The following NSMCE2 variants were observed in gnomAD, a reference collection of about 807,000 sequenced individuals.
NSMCE2 encodes the protein NSE2 SUMO ligase component of SMC5/6 complex.
A neutral mutation model predicts 23.8 loss-of-function variants in NSMCE2; 24 were observed. That is an observed-to-expected ratio of 1.01 (90% CI 0.73 to 1.42). The LOEUF (loss-of-function observed/expected upper bound fraction) is 1.42. Ranked by LOEUF, NSMCE2 falls within the 40% of genes most tolerant of loss-of-function variation. NSMCE2 has a pLI of 0.00. For missense variants in NSMCE2, 284 were observed against 296.5 expected (o/e 0.96, Z 0.31); for synonymous variants, 92 against 94.1 (o/e 0.98, Z 0.13).
chr8:125,283,868 A>G (rs765822481), intron 5 of NSMCE2, among the ~76,000 whole-genome samples: 1 of 152,052 alleles, frequency 6.6e-6, no homozygotes, highest in Non-Finnish European at 1.5e-5. Flanking sequence ...GAATGACTCA[A>G]GTAGGCCGGG....
In NSMCE2 at chr8:125,356,328, T is replaced by G. The variant is rs536173049; in HGVS notation, c.419-891T>G. On this transcript the variant is annotated intron_variant, in intron 5 of 7. Coordinates refer to ENST00000287437, the MANE Select transcript of NSMCE2 (RefSeq NM_173685.4). ...TTACTGTTACTTTTAATTTTTTGGTTTTTTTTTTTTTTTTTTTTTGAGACA... is the reference window on the plus strand; with the variant it reads ...TTACTGTTACTTTTAATTTTTTGGTGTTTTTTTTTTTTTTTTTTTGAGACA... Among the ~76,000 whole-genome samples, 385 of 111,084 alleles carry G rather than the reference T, an allele frequency of 3.5e-3. 3 individuals carry two copies. Among genetic ancestry groups the G allele is most frequent in the Non-Finnish European group, 5.1e-3 (277 of 54,220 alleles). 72.9% of individuals were successfully genotyped at this position (111,084 alleles called of 152,430 possible).
At chr8:125,366,736 G>A (rs774755138) in intron 7 of NSMCE2, 32 bp from the exon 8 acceptor site, 1 of 1,255,510 alleles carries the variant, frequency 8.0e-7, no homozygotes, top group South Asian at 1.2e-5. Flanking sequence ...GGCAGTAAAG[G>A]GGACTGACTT....
chr8:125,247,282 G>C (rs554358190), intron 5 of NSMCE2, among the ~76,000 whole-genome samples: 1 of 151,956 alleles, frequency 6.6e-6, no homozygotes, highest in African/African-American at 2.4e-5. Flanking sequence ...GCAGTGAGCC[G>C]TGTTCATGCC....
chr8:125,311,411 C>T (rs1387464994), intron 5 of NSMCE2, among the ~76,000 whole-genome samples: 1 of 152,152 alleles, frequency 6.6e-6, no homozygotes, highest in Non-Finnish European at 1.5e-5. Flanking sequence ...CTTATTTTTA[C>T]CTTGGACTTT....
At chr8:125,166,981 G>A (rs1266339840) in intron 4 of NSMCE2, among the ~76,000 whole-genome samples, 2 of 152,324 alleles carry the variant, frequency 1.3e-5, no homozygotes, top group Non-Finnish European at 2.9e-5. Flanking sequence ...CTGCACTCCA[G>A]CCTGGGTGAC....
At chr8:125,346,270 T>C (rs1306651697) in intron 5 of NSMCE2, among the ~76,000 whole-genome samples, 3 of 151,978 alleles carry the variant, frequency 2.0e-5, no homozygotes, top group Admixed American at 6.6e-5. Flanking sequence ...GTAATCCAAA[T>C]TGGAAATGTT....
At chr8:125,151,377 C>G (rs1013910866) in intron 4 of NSMCE2, 100 bp downstream of exon 4, 33 of 609,320 alleles carry the variant, frequency 5.4e-5, no homozygotes, top group Non-Finnish European at 9.2e-5. Context: ...TTAATGTTTC[C>G]TTATCCTTAA....
At chr8:125,266,056 A>T (rs1019782529) in intron 5 of NSMCE2, among the ~76,000 whole-genome samples, 2 of 150,006 alleles carry the variant, frequency 1.3e-5, no homozygotes, top group African/African-American at 2.5e-5. Context: ...AATATAGCTA[A>T]CCCTGTGTGA....
At chr8:125,206,962 C>G (rs1386902302) in intron 5 of NSMCE2, among the ~76,000 whole-genome samples, 1 of 151,952 alleles carries the variant, frequency 6.6e-6, no homozygotes, top group Admixed American at 6.5e-5. Context: ...GCTTATGGGC[C>G]AAAAAGCATT....
rs544719143 is a variant in NSMCE2 at position 125,335,744 on chromosome 8, G to A, written c.419-21475G>A. The stretch of plus-strand genomic sequence containing the variant: ...TGACGTGACCCAGTGAGATAGAGGA[G>A]ATGAAGAATTTCCAAAGAAAGATAA... On this transcript the variant is annotated intron_variant, in intron 5 of 7. Transcript: ENST00000287437. Among the ~76,000 whole-genome samples, 14 of 152,286 alleles carry A rather than the reference G, an allele frequency of 9.2e-5. No homozygotes were observed. The South Asian group carries it at 2.1e-3, about 23-fold the overall frequency.
chr8:125,148,408 A>G (rs1820805554), intron 3 of NSMCE2, among the ~76,000 whole-genome samples: 1 of 152,202 alleles, frequency 6.6e-6, no homozygotes, highest in African/African-American at 2.4e-5. Flanking sequence ...CTTTTGTAGC[A>G]TTTTGAATAT....
intron 3 of NSMCE2, among the ~76,000 whole-genome samples, chr8:125,145,226 A>C (rs948242111): frequency 2.6e-5 from 4 of 152,216 alleles, no homozygotes; most frequent in Non-Finnish European, 2.9e-5. Flanking sequence ...ACTTCAGTCC[A>C]CAATGGTTTG....
chr8:125,325,082 A>T (rs1447805922), intron 5 of NSMCE2, among the ~76,000 whole-genome samples: 1 of 152,146 alleles, frequency 6.6e-6, no homozygotes, highest in Non-Finnish European at 1.5e-5. Flanking sequence ...TATATACTTT[A>T]TATGCATAGT....
At chr8:125,140,914 T>C (rs1286577882) in intron 3 of NSMCE2, among the ~76,000 whole-genome samples, 2 of 152,096 alleles carry the variant, frequency 1.3e-5, no homozygotes, top group African/African-American at 4.8e-5. Flanking sequence ...AGAGATTAGA[T>C]AGAATTGGAC....
At chr8:125,234,171 C>T (rs184498506) in intron 5 of NSMCE2, among the ~76,000 whole-genome samples, 1,964 of 152,004 alleles carry the variant, frequency 0.013, 36 homozygotes, top group African/African-American at 0.045. Context: ...CCAGCCTGGG[C>T]GACAGAGCGA....
At chr8:125,224,528 C>T (rs945740115) in intron 5 of NSMCE2, among the ~76,000 whole-genome samples, 41 of 152,308 alleles carry the variant, frequency 2.7e-4, no homozygotes, top group African/African-American at 9.9e-4. Flanking sequence ...TGTGTATCTA[C>T]AGTTTTCCCA....
chr8:125,185,385 C>G (rs1823044746), intron 5 of NSMCE2, among the ~76,000 whole-genome samples: 1 of 152,100 alleles, frequency 6.6e-6, no homozygotes, highest in South Asian at 2.1e-4. Flanking sequence ...TGGCTCACTT[C>G]AACCTCTGCC....
chr8:125,128,851 C>T (rs1012003127), intron 3 of NSMCE2, among the ~76,000 whole-genome samples: 1 of 152,142 alleles, frequency 6.6e-6, no homozygotes, highest in East Asian at 1.9e-4. Context: ...TACATTAGGT[C>T]CACCCAGATA....
intron 4 of NSMCE2, among the ~76,000 whole-genome samples, chr8:125,154,895 G>A (rs547596101): frequency 8.6e-5 from 13 of 151,996 alleles, no homozygotes; most frequent in African/African-American, 2.7e-4. Context: ...TGCTTTCTAC[G>A]CTTTTATTAA....
Sources: gnomAD v4.1 joint callset for allele counts (sites outside exome capture counted in the v4.1 genomes callset) on GRCh38, gnomAD v4.1.1 for gene constraint, MANE v1.5 for transcripts, NCBI Gene and HGNC (gene_info 2026-07-23, HGNC 2026-07-21) for gene names.